The following CELF2 variants were observed in gnomAD, a reference collection of about 807,000 sequenced individuals.
CELF2 encodes the protein CUGBP Elav-like family member 2.
A neutral mutation model predicts 62.6 loss-of-function variants in CELF2; 8 were observed. The ratio of observed to expected loss-of-function variants is 0.13; its 90% confidence interval spans 0.07 to 0.23. The LOEUF (loss-of-function observed/expected upper bound fraction) is 0.23, where lower values mean the gene tolerates loss of function less well. Among genes scored for constraint, CELF2 ranks in the 10% least tolerant of loss-of-function variants. CELF2 has a pLI of 1.00. For missense variants in CELF2, 333 were observed against 671.0 expected (o/e 0.50, Z 5.56); for synonymous variants, 258 against 250.0 (o/e 1.03, Z -0.30).
At position 11,319,899 on chromosome 10, in the gene CELF2, T is replaced by C. The variant is rs1193106089; in HGVS notation, c.1097-1290T>C. The C allele has an allele frequency of 4.2e-6, 2 of 470,624 alleles. No homozygotes were observed. Among genetic ancestry groups the C allele is most frequent in the Non-Finnish European group, 8.8e-6 (2 of 226,978 alleles). 29.2% of individuals were successfully genotyped at this position (470,624 alleles called of 1,614,324 possible). Reference sequence around the variant, plus strand: ...GTTAGGGCAGTAGCGTTGCTGGGCGTGTGGAGGTCACTCTGCTGCCGGATT... The same window carrying C: ...GTTAGGGCAGTAGCGTTGCTGGGCGCGTGGAGGTCACTCTGCTGCCGGATT... On this transcript the variant is annotated intron_variant, in intron 10 of 12. Transcript: ENST00000633077. The surrounding 1 kb of genome is among the most constrained non-coding windows in gnomAD (Gnocchi z 4.4).
chr10:10,784,935 A>G, the CELF2 span, among the ~76,000 whole-genome samples: 4 of 152,178 alleles, frequency 2.6e-5, no homozygotes, highest in South Asian at 2.1e-4. Flanking sequence ...ACCAGACTTC[A>G]CATAGGTAGG....
At chr10:11,103,509 C>CTTTTTTTTTTTTTTT (rs1332099184) in intron 1 of CELF2, among the ~76,000 whole-genome samples, 1 of 40,722 alleles carries the variant, frequency 2.5e-5, no homozygotes, top group African/African-American at 2.1e-4. Context: ...TTTTTTTTTA[C>CTTTTTTTTTTTTTTT]TGTGAACTCT....
chr10:11,152,988 T>C (rs2063622886), intron 1 of CELF2, among the ~76,000 whole-genome samples: 1 of 152,220 alleles, frequency 6.6e-6, no homozygotes, highest in South Asian at 2.1e-4. Context: ...ACTTAGCAAG[T>C]GGAGCTCTTC....
chr10:10,698,032 G>T, the CELF2 span, among the ~76,000 whole-genome samples: 1 of 152,184 alleles, frequency 6.6e-6, no homozygotes, highest in Non-Finnish European at 1.5e-5. Context: ...GACCTGAGGT[G>T]ATCCGCCCAC....
intron 1 of CELF2, among the ~76,000 whole-genome samples, chr10:10,851,101 C>T (rs988883419): frequency 6.6e-6 from 1 of 152,024 alleles, no homozygotes; most frequent in Non-Finnish European, 1.5e-5. Flanking sequence ...CCACTGTGCC[C>T]GCCAAGAAAC....
At chr10:11,057,979 C>G (rs538553790) in intron 1 of CELF2, among the ~76,000 whole-genome samples, 7 of 149,152 alleles carry the variant, frequency 4.7e-5, no homozygotes, top group Non-Finnish European at 1.0e-4. Flanking sequence ...TTTTTTTAGT[C>G]TAGCTTTTAG....
At chr10:10,991,324 G>T (rs1375390977) in intron 2 of CELF2, among the ~76,000 whole-genome samples, 1 of 152,188 alleles carries the variant, frequency 6.6e-6, no homozygotes, top group Admixed American at 6.5e-5. Context: ...CCTTCAAGCT[G>T]TCTCCTAAGA....
intron 5 of CELF2, 68 bp downstream of exon 5, chr10:11,257,940 A>C: frequency 6.3e-7 from 1 of 1,581,432 alleles, no homozygotes; most frequent in Non-Finnish European, 8.7e-7. Context: ...CAGTCGAGAC[A>C]GATGTAGGCA....
chr10:11,022,967 G>T (rs1290189426), intron 1 of CELF2, among the ~76,000 whole-genome samples: 1 of 152,164 alleles, frequency 6.6e-6, no homozygotes, highest in Non-Finnish European at 1.5e-5. Context: ...TTCAACATGA[G>T]TCAAGGAGCA....
At chr10:10,825,275 T>C (rs1427709157) in intron 1 of CELF2, among the ~76,000 whole-genome samples, 1 of 152,218 alleles carries the variant, frequency 6.6e-6, no homozygotes, top group African/African-American at 2.4e-5. Flanking sequence ...AGTGGCGCGA[T>C]CTCGACTCAC....
In CELF2 at chr10:11,031,645, G is replaced by A. The variant is rs149347384; in HGVS notation, c.74+13482G>A. ...TTTGAGTGGAGTTTTCATGCCCTGT[G>A]TGCTTATTGTATTCTTGCTACTGAT... On this transcript the variant is annotated intron_variant, in intron 1 of 12. Transcript: ENST00000633077. Among the ~76,000 whole-genome samples, 781 of 152,264 alleles carry A rather than the reference G, an allele frequency of 5.1e-3. 3 individuals carry two copies. Among genetic ancestry groups the A allele is most frequent in the Non-Finnish European group, 8.3e-3 (564 of 68,006 alleles).
At chr10:10,722,776 G>T in the CELF2 span, among the ~76,000 whole-genome samples, 5 of 152,136 alleles carry the variant, frequency 3.3e-5, no homozygotes, top group African/African-American at 1.2e-4. Context: ...TTCTGTGAGT[G>T]ACCTGAAAGT....
In CELF2 at chr10:10,934,366, G is replaced by A. The variant is rs1479746227; in HGVS notation, c.89+14367G>A. Among the ~76,000 whole-genome samples the A allele has an allele frequency of 6.6e-6, 1 of 152,286 alleles. No individual in the cohort carries two copies. Among genetic ancestry groups the A allele is most frequent in the Non-Finnish European group, 1.5e-5 (1 of 68,026 alleles). Reference sequence around the variant, plus strand: ...TTCTATCCTCAACACCTAGCATAGTGCCTCCAGCACACAACAGATGCTCAA... The same window carrying A: ...TTCTATCCTCAACACCTAGCATAGTACCTCCAGCACACAACAGATGCTCAA... On this transcript the variant is annotated intron_variant, in intron 2 of 13. Transcript: ENST00000636488. The surrounding 1 kb of genome is among the most constrained non-coding windows in gnomAD (Gnocchi z 4.4).
chr10:10,827,306 CCT>C (rs2057475070), intron 1 of CELF2, among the ~76,000 whole-genome samples: 1 of 152,074 alleles, frequency 6.6e-6, no homozygotes, highest in South Asian at 2.1e-4. Context: ...TTTTGTCCGT[CCT>C]CTCTCATTTT....
intron 1 of CELF2, among the ~76,000 whole-genome samples, chr10:10,859,138 C>G (rs2059917590): frequency 6.6e-6 from 1 of 152,068 alleles, no homozygotes; most frequent in Non-Finnish European, 1.5e-5. Context: ...TTTTGCCATT[C>G]TTATTCACTT....
chr10:11,003,390 C>A (rs887960345), upstream of CELF2, among the ~76,000 whole-genome samples: 1 of 152,168 alleles, frequency 6.6e-6, no homozygotes, highest in African/African-American at 2.4e-5. This position sits in a 1 kb window ranked among gnomAD's most constrained non-coding sequence, Gnocchi z 4.4. Flanking sequence ...CATAGTTTAG[C>A]CCCCATTAGA....
chr10:10,552,341 C>A, the CELF2 span, among the ~76,000 whole-genome samples: 1 of 152,152 alleles, frequency 6.6e-6, no homozygotes, highest in Non-Finnish European at 1.5e-5. Context: ...AGACAGGCAG[C>A]GTGTGGAGGT....
At chr10:10,615,394 T>G in the CELF2 span, among the ~76,000 whole-genome samples, 1 of 152,164 alleles carries the variant, frequency 6.6e-6, no homozygotes, top group Non-Finnish European at 1.5e-5. Context: ...ACACTCTGCC[T>G]TCCTGTTCCA....
At chr10:10,700,925 G>A in the CELF2 span, among the ~76,000 whole-genome samples, 1 of 152,188 alleles carries the variant, frequency 6.6e-6, no homozygotes, top group Non-Finnish European at 1.5e-5. Flanking sequence ...GATTGGAGGT[G>A]ACCTCTGACT....
Sources: gnomAD v4.1 joint callset for allele counts (sites outside exome capture counted in the v4.1 genomes callset) on GRCh38, gnomAD v4.1.1 for gene constraint, Gnocchi (gnomAD v3.1) non-coding constraint, MANE v1.5 for transcripts, NCBI Gene and HGNC (gene_info 2026-07-23, HGNC 2026-07-21) for gene names.